ITPK1: variants seen among roughly 807,000 people sequenced by gnomAD.
The protein encoded by ITPK1 is inositol 1,3,4-trisphosphate 5/6-kinase.
ITPK1 carries 21 observed loss-of-function variants against 45.3 expected under a neutral mutation model. The ratio of observed to expected loss-of-function variants is 0.46; its 90% CI spans 0.33 to 0.67. ITPK1 has a LOEUF of 0.67. Ranked by LOEUF, ITPK1 falls within the 30% of genes least tolerant of loss-of-function variation. The pLI is 0.02. For synonymous variants in ITPK1, 258 were observed against 253.6 expected (o/e 1.02, Z -0.16); for missense variants, 474 against 573.5 (o/e 0.83, Z 1.77).
At chr14:93,018,992 T>C (rs1313704899) in intron 3 of ITPK1, among the ~76,000 whole-genome samples, 1 of 152,094 alleles carries the variant, frequency 6.6e-6, no homozygotes, top group Non-Finnish European at 1.5e-5. Context: ...CTTCACAGAT[T>C]CCAAATTACA....
chr14:93,046,487 G>A (rs1466652115), intron 3 of ITPK1, among the ~76,000 whole-genome samples: 2 of 152,078 alleles, frequency 1.3e-5, no homozygotes, highest in Non-Finnish European at 2.9e-5. Flanking sequence ...CACAGGATAT[G>A]GTGATTGGGC....
intron 4 of ITPK1, among the ~76,000 whole-genome samples, chr14:93,009,516 C>T (rs961652775): frequency 1.1e-4 from 17 of 152,304 alleles, no homozygotes; most frequent in Admixed American, 7.8e-4. Context: ...GCAACTGCAA[C>T]GGGCTAACGG....
At chr14:93,010,369 G>A (rs1887830300) in intron 4 of ITPK1, among the ~76,000 whole-genome samples, 1 of 152,258 alleles carries the variant, frequency 6.6e-6, no homozygotes, top group African/African-American at 2.4e-5. Context: ...CAATGCAGCT[G>A]TGAAATCACA....
chr14:93,007,367 G>T (rs1887671660), intron 4 of ITPK1, among the ~76,000 whole-genome samples: 1 of 113,780 alleles, frequency 8.8e-6, no homozygotes, highest in Admixed American at 1.2e-4. Flanking sequence ...CTGGCCCACA[G>T]TCGCCCGGCC....
At chr14:93,093,157 G>A (rs1479567697) in intron 2 of ITPK1, among the ~76,000 whole-genome samples, 2 of 152,158 alleles carry the variant, frequency 1.3e-5, no homozygotes, top group Non-Finnish European at 2.9e-5. Context: ...CCCATCTGCT[G>A]ACAGCACAAC....
intron 4 of ITPK1, among the ~76,000 whole-genome samples, chr14:93,010,766 G>T (rs937563147): frequency 2.0e-5 from 3 of 152,210 alleles, no homozygotes; most frequent in African/African-American, 7.2e-5. Context: ...TGGTTCACTA[G>T]GCGCCGGGCC....
At chr14:92,947,416 C>G (rs1887741442) in intron 9 of ITPK1, among the ~76,000 whole-genome samples, 2 of 152,244 alleles carry the variant, frequency 1.3e-5, no homozygotes, top group Admixed American at 1.3e-4. Flanking sequence ...GTCATGGGCT[C>G]AGCCTGCCCC....
intron 3 of ITPK1, among the ~76,000 whole-genome samples, chr14:93,047,138 C>T (rs189500623): frequency 7.7e-4 from 118 of 152,362 alleles, no homozygotes; most frequent in African/African-American, 2.5e-3. Flanking sequence ...GAACCATTAC[C>T]ACCACTGCCT....
intron 8 of ITPK1, among the ~76,000 whole-genome samples, chr14:92,955,293 C>CA (rs1008078272): frequency 6.6e-6 from 1 of 151,990 alleles, no homozygotes; most frequent in Non-Finnish European, 1.5e-5. Context: ...TGGCCTTTTG[C>CA]AAAAAAAAGT....
chr14:93,087,371 A>G (rs11845823), intron 2 of ITPK1, among the ~76,000 whole-genome samples: 40,784 of 152,088 alleles, frequency 0.27, 5,747 homozygotes, highest in African/African-American at 0.36. Flanking sequence ...TCTGTAAGCC[A>G]AGAGCAGTGG....
At chr14:93,088,039 C>T (rs1184329078) in intron 2 of ITPK1, among the ~76,000 whole-genome samples, 1 of 152,206 alleles carries the variant, frequency 6.6e-6, no homozygotes, top group African/African-American at 2.4e-5. Context: ...TCAGAGGTGC[C>T]CAGGCACCTG....
At chr14:93,083,289 G>T (rs1891515035) in intron 2 of ITPK1, among the ~76,000 whole-genome samples, 1 of 152,122 alleles carries the variant, frequency 6.6e-6, no homozygotes, top group Admixed American at 6.5e-5. Flanking sequence ...AAAAGGCTCA[G>T]GGACCATGAC....
intron 2 of ITPK1, among the ~76,000 whole-genome samples, chr14:93,104,818 G>A (rs1258294181): frequency 1.3e-5 from 2 of 152,198 alleles, no homozygotes; most frequent in South Asian, 2.1e-4. Flanking sequence ...ACAGCAGGCC[G>A]CCTGAACAAA....
chr14:93,067,626 G>C (rs1890813899), intron 3 of ITPK1: 1 of 152,092 alleles, frequency 6.6e-6, no homozygotes, highest in South Asian at 2.1e-4. Context: ...TATGACGACA[G>C]TACTCAAAGC....
At chr14:93,048,534 C>T (rs1889876926) in intron 3 of ITPK1, among the ~76,000 whole-genome samples, 1 of 152,218 alleles carries the variant, frequency 6.6e-6, no homozygotes, top group South Asian at 2.1e-4. Flanking sequence ...GACCTTTGTC[C>T]ACGTGCCTGT....
At chr14:93,080,243 G>T (rs1183193617) in intron 2 of ITPK1, among the ~76,000 whole-genome samples, 2 of 152,198 alleles carry the variant, frequency 1.3e-5, no homozygotes, top group African/African-American at 4.8e-5. Context: ...GGGCGCTACA[G>T]GAAAACAATC....
intron 2 of ITPK1, among the ~76,000 whole-genome samples, chr14:93,098,616 G>A (rs1892184807): frequency 6.6e-6 from 1 of 152,094 alleles, no homozygotes; most frequent in South Asian, 2.1e-4. Flanking sequence ...TCATTTCCCA[G>A]AGCCTTTGAG....
chr14:93,000,641 C>T (rs1887287325), intron 4 of ITPK1, among the ~76,000 whole-genome samples: 1 of 152,132 alleles, frequency 6.6e-6, no homozygotes, highest in South Asian at 2.1e-4. Flanking sequence ...TGTGCATCTC[C>T]AGAAAGGCTA....
Position 92,941,917 on chromosome 14 carries a change from G to A in ITPK1, c.902-13C>T. On this transcript the variant is annotated splice_polypyrimidine_tract_variant and intron_variant, in intron 10 of 10. Coordinates refer to ENST00000267615, the MANE Select transcript of ITPK1 (RefSeq NM_014216.6). ...ACGCCCTCGTAGCCTGGGGGTGGGA[G>A]AGAGACAGCACAAGGGGCGTGAGCC... The A allele has an allele frequency of 6.2e-7, 1 of 1,609,132 alleles. No homozygotes were observed. Among genetic ancestry groups the A allele is most frequent in the Non-Finnish European group, 8.5e-7 (1 of 1,178,400 alleles).
Sources: gnomAD v4.1 joint callset for allele counts (sites outside exome capture counted in the v4.1 genomes callset) on GRCh38, gnomAD v4.1.1 for gene constraint, MANE v1.5 for transcripts, NCBI Gene and HGNC (gene_info 2026-07-23, HGNC 2026-07-21) for gene names.